FBXL13: variants seen among roughly 807,000 people sequenced by gnomAD.
The protein encoded by FBXL13 is F-box and leucine rich repeat protein 13.
In FBXL13, 67 loss-of-function variants were observed where a neutral mutation model predicts 83.6. That is an observed-to-expected ratio of 0.80 (90% confidence interval 0.66 to 0.98). The LOEUF is 0.98. Among genes scored for constraint, FBXL13 ranks in the 50% least tolerant of loss-of-function variants. The pLI is 0.00. For synonymous variants in FBXL13, 272 were observed against 299.5 expected, an observed-to-expected ratio of 0.91 and a Z score of 0.95; for missense variants, 822 against 866.5, an observed-to-expected ratio of 0.95 and a Z score of 0.64.
chr7:102,942,242 CA>C, intron 8 of FBXL13: 3 of 1,486,026 alleles, frequency 2.0e-6, no homozygotes, highest in South Asian at 1.2e-5. Flanking sequence ...GCAGTTAAGG[CA>C]AAATGACCTA....
chr7:102,848,183 C>T (rs1804369359), intron 17 of FBXL13, among the ~76,000 whole-genome samples: 2 of 152,130 alleles, frequency 1.3e-5, no homozygotes, highest in Admixed American at 1.3e-4. Flanking sequence ...TAATCAACTA[C>T]CTCAACCTGC....
At chr7:102,925,694 C>T (rs928935755) in intron 10 of FBXL13, among the ~76,000 whole-genome samples, 2 of 152,062 alleles carry the variant, frequency 1.3e-5, no homozygotes, top group African/African-American at 4.8e-5. Flanking sequence ...GTAATTCCAG[C>T]GCTTTGGGAG....
intron 11 of FBXL13, chr7:102,912,862 G>A: frequency 2.1e-6 from 1 of 484,472 alleles, no homozygotes; most frequent in Non-Finnish European, 3.6e-6. Flanking sequence ...CTCATCCAAT[G>A]AGCTCTGCCT....
At chr7:102,811,647 T>C (rs747405551), downstream of FBXL13, among the ~76,000 whole-genome samples, 16 of 152,240 alleles carry the variant, frequency 1.1e-4, no homozygotes, top group Admixed American at 2.0e-4. Flanking sequence ...GTCATTCCTT[T>C]AGAAAGCAAT....
chr7:102,906,694 C>T (rs1276618870), intron 11 of FBXL13, among the ~76,000 whole-genome samples: 1 of 152,190 alleles, frequency 6.6e-6, no homozygotes, highest in Non-Finnish European at 1.5e-5. Context: ...GTAAGGTTTA[C>T]ACTGAAAAGT....
chr7:102,923,818 C>T (rs1366157088), intron 10 of FBXL13, among the ~76,000 whole-genome samples: 2 of 151,290 alleles, frequency 1.3e-5, no homozygotes, highest in Admixed American at 6.6e-5. Context: ...GAGCAAGATG[C>T]CATCTCAAAA....
intron 17 of FBXL13, among the ~76,000 whole-genome samples, chr7:102,853,123 T>C (rs1424597050): frequency 6.6e-6 from 1 of 152,124 alleles, no homozygotes; most frequent in Non-Finnish European, 1.5e-5. Flanking sequence ...AGCTAAGCTA[T>C]GAGAATGCAA....
At chr7:102,835,603 G>GGT (rs1328561449) in intron 17 of FBXL13, among the ~76,000 whole-genome samples, 2 of 97,524 alleles carry the variant, frequency 2.1e-5, no homozygotes, top group African/African-American at 8.2e-5. Flanking sequence ...AGGTGACATT[G>GGT]TTTTTTTTTT....
At chr7:102,967,938 T>C in intron 7 of FBXL13, 84 bp downstream of exon 8, 2 of 967,230 alleles carry the variant, frequency 2.1e-6, no homozygotes, top group South Asian at 3.0e-5. Context: ...TGGAAGAAGG[T>C]GTCCCCACAA....
chr7:102,888,730 T>G lies in FBXL13; in HGVS notation c.1009-4418A>C, dbSNP rs563792140. ...GAGGTGGTTTTTTTGTTTGTTTTTG[T>G]TTTTTTTTGTACTGCTATGAATTCT... is the stretch of plus-strand genomic sequence containing the variant. On this transcript the variant is annotated intron_variant, in intron 11 of 19. Coordinates refer to ENST00000313221, the Ensembl canonical transcript of FBXL13. 7.4e-4 allele frequency among the ~76,000 whole-genome samples: 112 copies of G among 150,928 alleles called. 1 individual carries two copies. The highest frequency in any genetic ancestry group is 7.8e-4 in the East Asian group (4 of 5,138).
intron 6 of FBXL13, among the ~76,000 whole-genome samples, chr7:102,971,441 C>T (rs6945963): frequency 0.98 from 148,787 of 151,630 alleles, 73,072 homozygotes; most frequent in East Asian, 1. Flanking sequence ...CTACTAAAAA[C>T]ACAAAATTAG....
At chr7:102,954,207 A>C (rs569375908) in intron 8 of FBXL13, among the ~76,000 whole-genome samples, 21 of 152,326 alleles carry the variant, frequency 1.4e-4, no homozygotes, top group African/African-American at 4.8e-4. Flanking sequence ...TACCTGGAAA[A>C]ATGGGGCACT....
intron 18 of FBXL13, among the ~76,000 whole-genome samples, chr7:102,826,133 C>T (rs899672010): frequency 2.0e-5 from 3 of 151,948 alleles, no homozygotes; most frequent in African/African-American, 7.3e-5. Flanking sequence ...GTTTCTTCTC[C>T]CCTTTGCCCC....
At chr7:102,875,546 C>T (rs1311180272) in intron 16 of FBXL13, among the ~76,000 whole-genome samples, 1 of 152,144 alleles carries the variant, frequency 6.6e-6, no homozygotes, top group Non-Finnish European at 1.5e-5. Context: ...GAACCCATTC[C>T]ACCTTTCCCA....
intron 6 of FBXL13, among the ~76,000 whole-genome samples, chr7:103,020,543 T>C (rs1264430785): frequency 1.3e-5 from 2 of 152,228 alleles, no homozygotes. Flanking sequence ...TTGTCCCTGT[T>C]TGCAGATGAC....
At chr7:102,816,454 C>T (rs928997875) in intron 19 of FBXL13, among the ~76,000 whole-genome samples, 2 of 152,094 alleles carry the variant, frequency 1.3e-5, no homozygotes, top group Non-Finnish European at 2.9e-5. Context: ...AATCCTTAGC[C>T]GTGACTAGCT....
chr7:102,860,826 G>A (rs57545514), intron 16 of FBXL13, among the ~76,000 whole-genome samples: 29,052 of 151,882 alleles, frequency 0.19, 3,032 homozygotes, highest in East Asian at 0.43. Context: ...TTAAAGAATG[G>A]TTATAAAGAA....
intron 1 of FBXL13, among the ~76,000 whole-genome samples, chr7:103,073,286 G>A (rs142332273): frequency 1.2e-4 from 18 of 152,290 alleles, no homozygotes; most frequent in African/African-American, 3.8e-4. Flanking sequence ...AGAATGGACA[G>A]TTGCTAAGCA....
intron 6 of FBXL13, among the ~76,000 whole-genome samples, chr7:102,971,957 C>G (rs1826732411): frequency 6.7e-6 from 1 of 150,102 alleles, no homozygotes. Context: ...ACCAGGGAGG[C>G]AGAGGTTGCA....
Sources: gnomAD v4.1 joint callset for allele counts (sites outside exome capture counted in the v4.1 genomes callset) on GRCh38, gnomAD v4.1.1 for gene constraint, MANE v1.5 for transcripts, NCBI Gene and HGNC (gene_info 2026-07-23, HGNC 2026-07-21) for gene names.